MLXIPL: variants seen among roughly 807,000 people sequenced by gnomAD.
MLXIPL encodes carbohydrate-responsive element-binding protein.
In MLXIPL, 49 loss-of-function variants were observed where a neutral mutation model predicts 81.5. The ratio of observed to expected loss-of-function variants is 0.60; its 90% CI spans 0.48 to 0.76. The LOEUF (loss-of-function observed/expected upper bound fraction) is 0.76, where lower values mean the gene tolerates loss of function less well. Ranked by LOEUF, MLXIPL falls within the 30% of genes least tolerant of loss-of-function variation. The pLI, the probability that MLXIPL is intolerant of heterozygous loss-of-function variation, is 0.00. For synonymous variants in MLXIPL, 466 were observed against 485.5 expected (o/e 0.96, Z 0.53); for missense variants, 1,053 against 1,167.0 (o/e 0.90, Z 1.42).
At position 73,606,053 on chromosome 7, in the gene MLXIPL, A is replaced by G. The variant is rs782606437; in HGVS notation, c.677T>C (p.Val226Ala). Residue 226 changes from valine to alanine, a missense_variant, in exon 6 of 17, where the codon GTC (valine) becomes GCC (alanine). By Grantham distance (64) the Val-to-Ala change is moderately conservative (BLOSUM62 0). Transcript: ENST00000313375. The stretch of plus-strand genomic sequence containing the variant: ...CTCTGGGTCCCCCAGCAGCACGGGG[A>G]CCACACTGGAGAAGAGCTGTTTGCA... ...QWCKQLFSSV[V>A]PVLLGDPEEE... 6.3e-7 allele frequency: 1 copy of G among 1,591,546 alleles called. No individual in the cohort carries two copies. Among genetic ancestry groups the G allele is most frequent in the Admixed American group, 1.8e-5 (1 of 56,270 alleles).
intron 1 of MLXIPL, among the ~76,000 whole-genome samples, chr7:73,617,029 G>GT (rs1416958369): frequency 9.9e-5 from 15 of 151,426 alleles, no homozygotes; most frequent in African/African-American, 2.9e-4. Flanking sequence ...TTTGCTTTTG[G>GT]TTTTGAGACG....
At chr7:73,647,689 C>G in the MLXIPL span, among the ~76,000 whole-genome samples, 12,765 of 152,234 alleles carry the variant, frequency 0.084, 661 homozygotes, top group Non-Finnish European at 0.12. Context: ...AGAGGGGAAA[C>G]TGAGGCCCAG....
the MLXIPL span, among the ~76,000 whole-genome samples, chr7:73,631,422 G>A: frequency 6.6e-6 from 1 of 151,920 alleles, no homozygotes; most frequent in Non-Finnish European, 1.5e-5. Flanking sequence ...AGCCTGACAC[G>A]GAAGTGTATA....
chr7:73,625,982 A>G (rs921469863), upstream of MLXIPL, among the ~76,000 whole-genome samples: 3 of 151,794 alleles, frequency 2.0e-5, no homozygotes, highest in Admixed American at 6.6e-5. Flanking sequence ...GCTTCTTTGT[A>G]TTTTTATTTA....
At chr7:73,629,337 G>T (rs543819262), upstream of MLXIPL, among the ~76,000 whole-genome samples, 5 of 151,974 alleles carry the variant, frequency 3.3e-5, no homozygotes, top group East Asian at 9.7e-4. Context: ...ACCGTGCCTG[G>T]CCGCACCACC....
At chr7:73,632,135 A>G in the MLXIPL span, among the ~76,000 whole-genome samples, 1 of 151,082 alleles carries the variant, frequency 6.6e-6, no homozygotes, top group African/African-American at 2.4e-5. Context: ...TGGGACCACC[A>G]CACTCAGCTA....
rs1213861046 is a variant in MLXIPL at position 73,623,346 on chromosome 7, T to C, written c.293+854A>G. On this transcript the variant is annotated intron_variant, in intron 1 of 16. Transcript: ENST00000313375. This position sits in a 1 kb window ranked among gnomAD's most constrained non-coding sequence, Gnocchi z 5.7. Reference sequence around the variant, plus strand: ...CGGGTTTTCGGTTGATAATTTATACTGGCCCCTCAACTCCGGGGAACTTTG... The same window carrying C: ...CGGGTTTTCGGTTGATAATTTATACCGGCCCCTCAACTCCGGGGAACTTTG... Among the ~76,000 whole-genome samples the C allele has an allele frequency of 6.6e-6, 1 of 152,258 alleles. No individual in the cohort carries two copies. Among genetic ancestry groups the C allele is most frequent in the Non-Finnish European group, 1.5e-5 (1 of 68,048 alleles).
the MLXIPL span, among the ~76,000 whole-genome samples, chr7:73,630,453 C>T: frequency 6.6e-6 from 1 of 151,876 alleles, no homozygotes; most frequent in African/African-American, 2.4e-5. Context: ...CCACTATGCC[C>T]ACCTAATTTT....
chr7:73,607,127 G>A, intron 4 of MLXIPL, 109 bp from the exon 5 acceptor site: 1 of 1,449,136 alleles, frequency 6.9e-7, no homozygotes, highest in East Asian at 2.5e-5. Context: ...TTTCCCATCA[G>A]GAGCTCACCC....
At chr7:73,602,449 T>C (rs2116300358) in intron 7 of MLXIPL, among the ~76,000 whole-genome samples, 1 of 150,076 alleles carries the variant, frequency 6.7e-6, no homozygotes, top group Non-Finnish European at 1.5e-5. Flanking sequence ...GGTGGACGGA[T>C]CACCTGAGGT....
the MLXIPL span, among the ~76,000 whole-genome samples, chr7:73,647,650 C>T: frequency 1.3e-5 from 2 of 152,204 alleles, no homozygotes; most frequent in African/African-American, 4.8e-5. Context: ...TTCAACCCAG[C>T]TGAGCCAGAG....
At chr7:73,639,456 C>T in the MLXIPL span, among the ~76,000 whole-genome samples, 2 of 152,116 alleles carry the variant, frequency 1.3e-5, no homozygotes, top group African/African-American at 4.8e-5. Flanking sequence ...TAGGGAAATA[C>T]TATGCAGGTG....
chr7:73,621,051 A>AG (rs1554601909), intron 1 of MLXIPL, among the ~76,000 whole-genome samples: 17 of 141,010 alleles, frequency 1.2e-4, no homozygotes, highest in Admixed American at 3.5e-4. Context: ...CTCTGTCTCC[A>AG]AAAATAAATA....
At chr7:73,599,740 A>G in intron 7 of MLXIPL, 45 bp from the exon 8 acceptor site, 2 of 1,563,904 alleles carry the variant, frequency 1.3e-6, no homozygotes, top group Middle Eastern at 1.7e-4. Context: ...GGCCAGGGCT[A>G]TGGCTGGGAA....
intron 7 of MLXIPL, among the ~76,000 whole-genome samples, chr7:73,600,061 G>A (rs1050748065): frequency 6.6e-6 from 1 of 151,932 alleles, no homozygotes. Context: ...GAAAGGGGGT[G>A]CCCAGAGCGA....
At chr7:73,631,557 A>C in the MLXIPL span, among the ~76,000 whole-genome samples, 1 of 84,504 alleles carries the variant, frequency 1.2e-5, no homozygotes, top group African/African-American at 4.8e-5. Context: ...GGATGTTGCT[A>C]CTTTTTTTTT....
At chr7:73,642,813 G>A in the MLXIPL span, among the ~76,000 whole-genome samples, 8 of 152,308 alleles carry the variant, frequency 5.3e-5, no homozygotes, top group Admixed American at 2.6e-4. Flanking sequence ...GTTTCATTAC[G>A]TAGACATGAT....
chr7:73,604,214 TCA>T (rs1491505351), intron 7 of MLXIPL, among the ~76,000 whole-genome samples: 1 of 32,952 alleles, frequency 3.0e-5, no homozygotes, highest in African/African-American at 1.5e-4. Context: ...AGACTCCGTC[TCA>T]AAAAAAAAAA....
chr7:73,596,404 G>T lies in MLXIPL; in HGVS notation c.1898C>A (p.Pro633Gln). 6.2e-7 allele frequency: 1 copy of T among 1,612,994 alleles called. No individual in the cohort carries two copies. The highest frequency in any genetic ancestry group is 1.1e-5 in the South Asian group (1 of 91,076). Residue 633 changes from proline to glutamine, a missense_variant, in exon 12 of 17, where the codon CCG becomes CAG. By Grantham distance (76) the Pro-to-Gln change is moderately conservative. Around this residue, in one of 3 missense-constraint regions of MLXIPL, gnomAD observed 823 missense variants for 933.0 expected, o/e 0.88. Transcript: ENST00000313375. This position sits in a 1 kb window ranked among gnomAD's most constrained non-coding sequence, Gnocchi z 4.7. ...PGTLSVRVSP[P>Q]QPILSRGRPD... ...ACGGCCCCGGCTGAGGATGGGTTGCGGGGGAGAGACACGGACGCTCAGAGT... is the reference window on the plus strand; with the variant it reads ...ACGGCCCCGGCTGAGGATGGGTTGCTGGGGAGAGACACGGACGCTCAGAGT...
Sources: allele counts gnomAD v4.1 joint callset (sites outside exome capture counted in the v4.1 genomes callset), GRCh38; gene constraint gnomAD v4.1.1; regional missense constraint gnomAD v4.1.1; non-coding constraint Gnocchi (gnomAD v3.1); transcripts MANE v1.5; gene names NCBI Gene and HGNC (gene_info 2026-07-23, HGNC 2026-07-21).